Variants in ZNF664 observed in about 807,000 individuals in gnomAD.
The protein encoded by ZNF664 is zinc finger protein 664.
A neutral mutation model predicts 18.2 loss-of-function variants in ZNF664; 10 were observed. That is an observed-to-expected ratio of 0.55 (90% CI 0.34 to 0.93). The LOEUF (loss-of-function observed/expected upper bound fraction) is 0.93, where lower values mean the gene tolerates loss of function less well. ZNF664 is among the 40% of genes least tolerant of loss of function. The pLI is 0.02. For missense variants in ZNF664, 193 were observed against 319.0 expected (o/e 0.61, Z 3.01); for synonymous variants, 119 against 104.2 (o/e 1.14, Z -0.86).
intron 3 of ZNF664, among the ~76,000 whole-genome samples, chr12:123,988,844 T>C (rs1956855060): frequency 6.6e-6 from 1 of 152,214 alleles, no homozygotes; most frequent in Admixed American, 6.5e-5. Context: ...TATTTGGTCA[T>C]TGCTGAAATC....
chr12:123,988,209 G>C, intron 3 of ZNF664, 71 bp downstream of exon 3: 2 of 1,226,446 alleles, frequency 1.6e-6, no homozygotes, highest in South Asian at 4.1e-5. Context: ...AGCCAAAGCT[G>C]TCTCTAGAAT....
rs1594531428 is a variant in ZNF664 at position 123,973,305 on chromosome 12, TG to T, written c.-936del. ...TGAGGTGTCCCTGAGGAGAGGGAGG[TG>T]GGTGCGCGGCGCCCGCGGCCTGGGG... On this transcript the variant is annotated 5_prime_UTR_variant, in exon 1 of 5. Transcript: ENST00000337815. The T allele has an allele frequency of 1.3e-6, 1 of 797,200 alleles. No individual in the cohort carries two copies. Among genetic ancestry groups the T allele is most frequent in the Admixed American group, 7.1e-5 (1 of 14,070 alleles). The allele number at this position is 797,200 out of a possible 1,614,324, so 49.4% of individuals were successfully genotyped here. A position where few individuals can be genotyped will look rare whatever the true frequency, so the allele number is the denominator to read the frequency against.
rs186890320 is a variant in ZNF664 at position 124,002,116 on chromosome 12, C to T, written c.-660-9265C>T. Among the ~76,000 whole-genome samples, 282 of 152,240 alleles carry T rather than the reference C, an allele frequency of 1.9e-3. 3 individuals carry two copies. The highest frequency in any genetic ancestry group is 6.3e-3 in the African/African-American group (263 of 41,542). ...GTAAGTCAGCTGAAACTGACAAGCC[C>T]GGGAGCCGCTTTCTAGGAAGACAAC... On this transcript the variant is annotated intron_variant, in intron 3 of 4. Coordinates refer to ENST00000337815, the MANE Select transcript of ZNF664 (RefSeq NM_152437.3).
At chr12:124,010,367 T>G (rs1346972323) in intron 3 of ZNF664, among the ~76,000 whole-genome samples, 3 of 152,222 alleles carry the variant, frequency 2.0e-5, no homozygotes, top group Non-Finnish European at 4.4e-5. Flanking sequence ...TAAAGTATCA[T>G]AGCGTATAGA....
In ZNF664 at chr12:123,973,236, T is replaced by G; in HGVS notation, c.-1008T>G. ...ACGCGCGCTGTCCCCCGGAGGCGTC[T>G]GGGTGTGCGGAGCGCGCGCGCGCGC... On this transcript the variant is annotated 5_prime_UTR_variant, in exon 1 of 5. Coordinates refer to ENST00000337815, the MANE Select transcript of ZNF664 (RefSeq NM_152437.3). 1.0e-6 allele frequency: 1 copy of G among 987,884 alleles called. No individual in the cohort carries two copies. The highest frequency in any genetic ancestry group is 4.7e-5 in the South Asian group (1 of 21,182). The allele number at this position is 987,884 out of a possible 1,614,324, so 61.2% of individuals were successfully genotyped here. A position where few individuals can be genotyped will look rare whatever the true frequency, so the allele number is the denominator to read the frequency against.
At chr12:123,993,396 A>G (rs1304763504) in intron 3 of ZNF664, among the ~76,000 whole-genome samples, 2 of 152,246 alleles carry the variant, frequency 1.3e-5, no homozygotes, top group East Asian at 3.8e-4. Context: ...CTGACATTCC[A>G]CAGTCCTAAT....
chr12:124,012,984 A>G lies in ZNF664; in HGVS notation c.*54A>G. ...AAACCCATAAGTGCCACTAGGAAGG[A>G]AACCCTGTATATACCTACATTGACC... On this transcript the variant is annotated 3_prime_UTR_variant, in exon 5 of 5. Coordinates refer to ENST00000337815, the MANE Select transcript of ZNF664 (RefSeq NM_152437.3). 6.3e-7 allele frequency: 1 copy of G among 1,575,120 alleles called. No individual in the cohort carries two copies. Among genetic ancestry groups the G allele is most frequent in the Non-Finnish European group, 8.6e-7 (1 of 1,162,932 alleles).
intron 3 of ZNF664, 98 bp downstream of exon 3, chr12:123,988,236 C>T (rs1016779194): frequency 1.1e-5 from 13 of 1,139,478 alleles, no homozygotes; most frequent in African/African-American, 1.6e-5. Context: ...TGAGCATGTG[C>T]CCTTTGGGCT....
At chr12:124,006,329 G>T (rs1252954208) in intron 3 of ZNF664, 1 of 152,198 alleles carries the variant, frequency 6.6e-6, no homozygotes, top group Non-Finnish European at 1.5e-5. Context: ...TTCATGCAGC[G>T]GGTTCGCCTC....
intron 3 of ZNF664, 73 bp downstream of exon 3, chr12:123,988,211 C>G: frequency 8.2e-7 from 1 of 1,225,296 alleles, no homozygotes; most frequent in Non-Finnish European, 1.0e-6. Context: ...CCAAAGCTGT[C>G]TCTAGAATTT....
chr12:123,980,607 G>A (rs1373884335), intron 2 of ZNF664, among the ~76,000 whole-genome samples: 3 of 151,820 alleles, frequency 2.0e-5, no homozygotes, highest in South Asian at 2.1e-4. Context: ...CATTAAAAAC[G>A]TTTATGAAGA....
In ZNF664 at chr12:124,011,439, A is replaced by G; in HGVS notation, c.-602A>G. 1.0e-6 allele frequency: 1 copy of G among 969,422 alleles called. No individual in the cohort carries two copies. The highest frequency in any genetic ancestry group is 1.2e-6 in the Non-Finnish European group (1 of 820,218). 60.1% of individuals were successfully genotyped at this position (969,422 alleles called of 1,614,324 possible). On this transcript the variant is annotated splice_region_variant and 5_prime_UTR_variant, in exon 4 of 5. Transcript: ENST00000337815. ...TAAGAGAGCTTCTTCAAGACCAAAA[A>G]AGGTTTGTGTTACTGCTGTCACATT...
At chr12:123,999,677 G>C (rs1956989448) in intron 3 of ZNF664, among the ~76,000 whole-genome samples, 1 of 152,192 alleles carries the variant, frequency 6.6e-6, no homozygotes, top group South Asian at 2.1e-4. Flanking sequence ...GAGCGGTGTT[G>C]GGCTGAATCT....
At chr12:123,987,178 A>C (rs578040679) in intron 2 of ZNF664, among the ~76,000 whole-genome samples, 1 of 152,244 alleles carries the variant, frequency 6.6e-6, no homozygotes, top group Non-Finnish European at 1.5e-5. Flanking sequence ...CTGTAGAGGC[A>C]TACTGTAATC....
chr12:123,973,712 A>G (rs1334090434), intron 1 of ZNF664, 174 bp from the exon 2 acceptor site: 2 of 1,119,668 alleles, frequency 1.8e-6, no homozygotes, highest in East Asian at 6.8e-5. Context: ...GCCAGGCTCC[A>G]TTGTTGTTGG....
At position 124,013,962 on chromosome 12, in the gene ZNF664, C is replaced by T. The variant is rs1566212545; in HGVS notation, c.*1032C>T. On this transcript the variant is annotated 3_prime_UTR_variant, in exon 5 of 5. Transcript: ENST00000337815. ...GTCTTTATTAATCCATCATTCTTTT[C>T]TTCATTCAACAAATATGTATTGAAC... is the stretch of plus-strand genomic sequence containing the variant. 1.2e-5 allele frequency: 2 copies of T among 167,200 alleles called. No homozygotes were observed. Among genetic ancestry groups the T allele is most frequent in the African/African-American group, 2.4e-5 (1 of 41,570 alleles). The allele number at this position is 167,200 out of a possible 1,614,324, so 10.4% of individuals were successfully genotyped here. A position where few individuals can be genotyped will look rare whatever the true frequency, so the allele number is the denominator to read the frequency against.
intron 3 of ZNF664, among the ~76,000 whole-genome samples, chr12:124,008,697 C>T (rs1423510229): frequency 6.6e-6 from 1 of 152,216 alleles, no homozygotes; most frequent in Non-Finnish European, 1.5e-5. Context: ...CTGTCTCTTT[C>T]TTCCCCATTC....
intron 2 of ZNF664, among the ~76,000 whole-genome samples, chr12:123,976,507 A>G (rs1956693309): frequency 2.0e-5 from 3 of 152,110 alleles, no homozygotes; most frequent in Non-Finnish European, 4.4e-5. Context: ...AGGGTCATGT[A>G]GGGCAGGTTA....
At chr12:123,996,107 A>G (rs772733709) in intron 3 of ZNF664, among the ~76,000 whole-genome samples, 28 of 152,244 alleles carry the variant, frequency 1.8e-4, no homozygotes, top group Non-Finnish European at 4.0e-4. Context: ...CATTCCCTGT[A>G]CTTACCAGGC....
Sources: gnomAD v4.1 joint callset for allele counts (sites outside exome capture counted in the v4.1 genomes callset) on GRCh38, gnomAD v4.1.1 for gene constraint, MANE v1.5 for transcripts, NCBI Gene and HGNC (gene_info 2026-07-23, HGNC 2026-07-21) for gene names.